Variants in CATSPERE observed in about 807,000 individuals in gnomAD.
CATSPERE encodes catsper channel auxiliary subunit epsilon, also known as cation channel sperm-associated auxiliary subunit epsilon.
CATSPERE carries 93 observed loss-of-function variants against 114.1 expected under a neutral mutation model. The ratio of observed to expected loss-of-function variants is 0.81; its 90% CI spans 0.69 to 0.97. The LOEUF (loss-of-function observed/expected upper bound fraction) is 0.97, where lower values mean the gene tolerates loss of function less well. Among genes scored for constraint, CATSPERE ranks in the 50% least tolerant of loss-of-function variants. The pLI is 0.00. For synonymous variants in CATSPERE, 341 were observed against 384.1 expected (o/e 0.89, Z 1.31); for missense variants, 1,058 against 1,131.6 (o/e 0.93, Z 0.93).
At position 244,568,905 on chromosome 1, in the gene CATSPERE, C is replaced by T. The variant is rs1664015804; in HGVS notation, c.1508-3425C>T. Among the ~76,000 whole-genome samples the T allele has an allele frequency of 6.6e-6, 1 of 152,142 alleles. No individual in the cohort carries two copies. The highest frequency in any genetic ancestry group is 2.4e-5 in the African/African-American group (1 of 41,422). On this transcript the variant is annotated intron_variant, in intron 10 of 21. Coordinates refer to ENST00000366534, the MANE Select transcript of CATSPERE (RefSeq NM_001130957.2). The surrounding 1 kb of genome is among the most constrained non-coding windows in gnomAD (Gnocchi z 4.4). The stretch of plus-strand genomic sequence containing the variant: ...ACTGGGGTATGAAAAAAAACAAAAA[C>T]AAAAACAAAGACAAAAAACTCCTGC...
chr1:244,592,261 T>A (rs1349364227), intron 15 of CATSPERE, among the ~76,000 whole-genome samples: 1 of 152,134 alleles, frequency 6.6e-6, no homozygotes, highest in African/African-American at 2.4e-5. Flanking sequence ...AGAAGTAATA[T>A]ATTTACCCGG....
intron 8 of CATSPERE, among the ~76,000 whole-genome samples, chr1:244,542,170 A>G (rs982358078): frequency 4.0e-5 from 6 of 148,786 alleles, no homozygotes; most frequent in African/African-American, 1.5e-4. Flanking sequence ...AAAAAAAAAA[A>G]GTAGAGCAGT....
chr1:244,524,498 T>C (rs1451577082), intron 8 of CATSPERE, among the ~76,000 whole-genome samples: 2 of 150,192 alleles, frequency 1.3e-5, no homozygotes, highest in African/African-American at 5.1e-5. Context: ...GGGATGTAAT[T>C]AAACTAAAGA....
intron 8 of CATSPERE, among the ~76,000 whole-genome samples, chr1:244,543,695 A>G (rs1659256116): frequency 6.7e-6 from 1 of 149,494 alleles, no homozygotes; most frequent in African/African-American, 2.4e-5. Context: ...TATGGTAGGA[A>G]CTCCCCAGTG....
At chr1:244,520,300 A>G (rs1423750427) in intron 8 of CATSPERE, among the ~76,000 whole-genome samples, 1 of 150,938 alleles carries the variant, frequency 6.6e-6, no homozygotes, top group African/African-American at 2.5e-5. Context: ...TTTGGTCTAT[A>G]TTTGCAGTGA....
Position 244,625,430 on chromosome 1 carries a change from A to ATTTTTTTTTT in CATSPERE, c.2648+7745_2648+7746insTTTTTTTTTT, listed in dbSNP as rs1476267922. On this transcript the variant is annotated intron_variant, in intron 20 of 21. Coordinates refer to ENST00000366534, the MANE Select transcript of CATSPERE (RefSeq NM_001130957.2). Reference sequence around the variant, plus strand: ...TTTATATATATATATATATATATATATATTTTTTTTTTTTTTTGAGATGGA... The same window carrying ATTTTTTTTTT: ...TTTATATATATATATATATATATATATTTTTTTTTTTATTTTTTTTTTTTTTTGAGATGGA... 2.8e-3 allele frequency among the ~76,000 whole-genome samples: 12 copies of ATTTTTTTTTT among 4,340 alleles called. 2 individuals carry two copies. The highest frequency in any genetic ancestry group is 0.023 in the East Asian group (2 of 86). The allele number at this position is 4,340 out of a possible 152,430, so 2.8% of individuals were successfully genotyped here.
intron 12 of CATSPERE, among the ~76,000 whole-genome samples, chr1:244,583,302 C>G (rs1175994032): frequency 1.3e-5 from 2 of 152,072 alleles, no homozygotes; most frequent in Non-Finnish European, 2.9e-5. Flanking sequence ...CACGTTTTGC[C>G]TGAACACAAA....
intron 20 of CATSPERE, among the ~76,000 whole-genome samples, chr1:244,620,816 C>T (rs1177057605): frequency 6.6e-6 from 1 of 150,610 alleles, no homozygotes; most frequent in African/African-American, 2.4e-5. Context: ...GACACTCTAT[C>T]CCCCCTAGGG....
chr1:244,599,875 A>G (rs1214789946), intron 17 of CATSPERE, among the ~76,000 whole-genome samples: 1 of 152,222 alleles, frequency 6.6e-6, no homozygotes, highest in Admixed American at 6.5e-5. Flanking sequence ...TATAGTCTAC[A>G]GTTTTTCAGC....
intron 2 of CATSPERE, among the ~76,000 whole-genome samples, chr1:244,476,925 G>A (rs1028434014): frequency 3.9e-5 from 6 of 152,156 alleles, no homozygotes; most frequent in South Asian, 2.1e-4. Context: ...TTTCTCATTC[G>A]TCTTTGTTTT....
At chr1:244,535,702 G>A (rs1433748956) in intron 8 of CATSPERE, among the ~76,000 whole-genome samples, 3 of 152,150 alleles carry the variant, frequency 2.0e-5, no homozygotes, top group Non-Finnish European at 2.9e-5. Context: ...TGCTGCAAAT[G>A]CTGTCCAAGA....
At chr1:244,570,071 A>G (rs992386060) in intron 10 of CATSPERE, among the ~76,000 whole-genome samples, 7 of 152,298 alleles carry the variant, frequency 4.6e-5, no homozygotes, top group Non-Finnish European at 7.4e-5. Context: ...AGATGTTTGC[A>G]ATATTTATCT....
chr1:244,637,586 C>A (rs1674788878), intron 21 of CATSPERE, among the ~76,000 whole-genome samples: 1 of 152,170 alleles, frequency 6.6e-6, no homozygotes, highest in Admixed American at 6.5e-5. Flanking sequence ...ACTGGAACCT[C>A]CACCTCTACT....
intron 7 of CATSPERE, among the ~76,000 whole-genome samples, chr1:244,509,983 CTAAG>C (rs1240232448): frequency 6.6e-6 from 1 of 152,016 alleles, no homozygotes; most frequent in Non-Finnish European, 1.5e-5. Flanking sequence ...CTTGGTCACT[CTAAG>C]TAGCAGTTTA....
chr1:244,618,623 C>T (rs1193148028), intron 20 of CATSPERE, among the ~76,000 whole-genome samples: 1 of 151,740 alleles, frequency 6.6e-6, no homozygotes, highest in East Asian at 1.9e-4. Context: ...TACTAAAATA[C>T]AAAATTAGCT....
rs191949563 is a variant in CATSPERE, at chr1:244,608,997, C to A, written c.2404-1243C>A. On this transcript the variant is annotated intron_variant, in intron 18 of 21. Transcript: ENST00000366534. ...GAGGTCAACTCCAAGACCAGCCTGGCCAACATGGTGAAACCCTGTCTCTAC... is the reference window on the plus strand; with the variant it reads ...GAGGTCAACTCCAAGACCAGCCTGGACAACATGGTGAAACCCTGTCTCTAC... 2.6e-5 allele frequency among the ~76,000 whole-genome samples: 4 copies of A among 151,954 alleles called. No homozygotes were observed. In the East Asian group the frequency reaches 5.8e-4, roughly 22 times the overall value.
At chr1:244,477,519 G>A (rs772816228) in intron 2 of CATSPERE, 22 bp from the exon 3 acceptor site, 35 of 1,415,252 alleles carry the variant, frequency 2.5e-5, no homozygotes, top group Admixed American at 3.6e-5. Context: ...TTTTTTGTTC[G>A]AACTCTTGTT....
At chr1:244,522,714 C>T (rs1298323613) in intron 8 of CATSPERE, among the ~76,000 whole-genome samples, 2 of 152,172 alleles carry the variant, frequency 1.3e-5, no homozygotes, top group Non-Finnish European at 2.9e-5. Flanking sequence ...CAACTCTACG[C>T]AAATGAACTA....
intron 14 of CATSPERE, among the ~76,000 whole-genome samples, chr1:244,589,991 C>T (rs1667519880): frequency 1.3e-5 from 2 of 152,148 alleles, no homozygotes; most frequent in African/African-American, 2.4e-5. Context: ...CCTGGAATAG[C>T]ATGGGGTCCA....
Sources: gnomAD v4.1 joint callset for allele counts (sites outside exome capture counted in the v4.1 genomes callset) on GRCh38, gnomAD v4.1.1 for gene constraint, Gnocchi (gnomAD v3.1) non-coding constraint, MANE v1.5 for transcripts, NCBI Gene and HGNC (gene_info 2026-07-23, HGNC 2026-07-21) for gene names.